Variants in CFAP299 observed in about 807,000 individuals in gnomAD.
The protein encoded by CFAP299 is cilia and flagella associated protein 299.
In CFAP299, 21 loss-of-function variants were observed where a neutral mutation model predicts 27.0. The observed-to-expected ratio is 0.78, with a 90% CI of 0.55 to 1.12. The LOEUF is 1.12. Among genes scored for constraint, CFAP299 ranks in the 50% most tolerant of loss-of-function variants. The probability of loss-of-function intolerance (pLI) is 0.00; values close to 1 mark genes in which losing one functional copy is unlikely to be tolerated. For synonymous variants in CFAP299, 104 were observed against 98.1 expected, an observed-to-expected ratio of 1.06 and a Z score of -0.36; for missense variants, 310 against 276.6, an observed-to-expected ratio of 1.12 and a Z score of -0.86.
intron 3 of CFAP299, among the ~76,000 whole-genome samples, chr4:80,860,789 C>G (rs1175997449): frequency 6.6e-6 from 1 of 152,164 alleles, no homozygotes; most frequent in African/African-American, 2.4e-5. Flanking sequence ...AGAGGAGTAC[C>G]TGGCCGTGTG....
intron 3 of CFAP299, among the ~76,000 whole-genome samples, chr4:80,838,746 G>T (rs1352230667): frequency 6.6e-6 from 1 of 151,956 alleles, no homozygotes; most frequent in South Asian, 2.1e-4. Flanking sequence ...GGCTATATGG[G>T]CCCTTTTTGG....
At chr4:80,818,041 C>T (rs898875931) in intron 3 of CFAP299, among the ~76,000 whole-genome samples, 1 of 152,028 alleles carries the variant, frequency 6.6e-6, no homozygotes, top group Admixed American at 6.6e-5. Context: ...GTGGTAATTC[C>T]TCCCCATGTG....
At chr4:80,621,116 ATT>A (rs1738581530) in intron 3 of CFAP299, among the ~76,000 whole-genome samples, 1 of 151,984 alleles carries the variant, frequency 6.6e-6, no homozygotes, top group Admixed American at 6.6e-5. Flanking sequence ...TCCTTTAACT[ATT>A]GCCTTAAATA....
chr4:80,366,837 A>G (rs1723857429), intron 2 of CFAP299, among the ~76,000 whole-genome samples: 1 of 152,196 alleles, frequency 6.6e-6, no homozygotes, highest in African/African-American at 2.4e-5. Context: ...TGGATAAAAA[A>G]TTTGGTACCT....
At chr4:80,807,311 G>A (rs990986989) in intron 3 of CFAP299, among the ~76,000 whole-genome samples, 12 of 152,160 alleles carry the variant, frequency 7.9e-5, no homozygotes, top group African/African-American at 2.6e-4. Flanking sequence ...TATGATATAT[G>A]TTGTAAATGT....
intron 2 of CFAP299, among the ~76,000 whole-genome samples, chr4:80,529,255 G>A (rs1053793115): frequency 6.6e-6 from 1 of 151,798 alleles, no homozygotes; most frequent in African/African-American, 2.4e-5. Context: ...CTGCCTCATA[G>A]GCTCTCTTCC....
intron 5 of CFAP299, among the ~76,000 whole-genome samples, chr4:80,958,492 A>G (rs1411146811): frequency 6.6e-6 from 1 of 152,294 alleles, no homozygotes; most frequent in Admixed American, 6.5e-5. Context: ...ATAAGATCAC[A>G]TGTCATTTTC....
intron 3 of CFAP299, among the ~76,000 whole-genome samples, chr4:80,860,888 C>A (rs2110158516): frequency 6.6e-6 from 1 of 152,320 alleles, no homozygotes; most frequent in Middle Eastern, 3.4e-3. Flanking sequence ...AGGCAGTCTG[C>A]CCATTCTCAG....
chr4:80,697,064 C>T (rs1026638706), intron 3 of CFAP299, among the ~76,000 whole-genome samples: 3 of 152,194 alleles, frequency 2.0e-5, no homozygotes, highest in Non-Finnish European at 4.4e-5. Context: ...GTTATTTCTG[C>T]TGGGAGCAGT....
At chr4:80,616,476 G>A (rs1419179573) in intron 3 of CFAP299, among the ~76,000 whole-genome samples, 2 of 151,824 alleles carry the variant, frequency 1.3e-5, no homozygotes, top group South Asian at 2.1e-4. Context: ...TGAAAGGGCT[G>A]TAGAGATCAT....
At chr4:80,862,609 G>A (rs1168609111) in intron 3 of CFAP299, among the ~76,000 whole-genome samples, 1 of 151,962 alleles carries the variant, frequency 6.6e-6, no homozygotes, top group African/African-American at 2.4e-5. Context: ...AATGACATTT[G>A]GTTCCTCCCA....
chr4:80,717,025 A>G (rs759487974), intron 3 of CFAP299, among the ~76,000 whole-genome samples: 8 of 152,180 alleles, frequency 5.3e-5, no homozygotes, highest in Non-Finnish European at 8.8e-5. Context: ...TTACCCATTC[A>G]TTTATTTAAT....
intron 3 of CFAP299, among the ~76,000 whole-genome samples, chr4:80,855,479 A>G (rs2110152108): frequency 6.6e-6 from 1 of 152,224 alleles, no homozygotes; most frequent in South Asian, 2.1e-4. Context: ...ATATGTATAC[A>G]TGTGACATGC....
At chr4:80,947,091 T>C (rs1020290741) in intron 5 of CFAP299, among the ~76,000 whole-genome samples, 2 of 152,196 alleles carry the variant, frequency 1.3e-5, no homozygotes, top group African/African-American at 2.4e-5. Context: ...TTAAACATCG[T>C]TCAAATAATT....
In CFAP299 at chr4:80,766,314, G is replaced by A. The variant is rs576988962; in HGVS notation, c.334-103679G>A. On this transcript the variant is annotated intron_variant, in intron 3 of 5. Transcript: ENST00000358105. The stretch of plus-strand genomic sequence containing the variant: ...CAATACATTTTACAATAGAATACTG[G>A]AGTAAGCTAAACTGTTGTTCAGGAC... 2.0e-4 allele frequency among the ~76,000 whole-genome samples: 30 copies of A among 152,192 alleles called. No homozygotes were observed. The South Asian group carries it at 6.0e-3, about 31-fold the overall frequency.
At chr4:80,329,003 T>A in the CFAP299 span, among the ~76,000 whole-genome samples, 5 of 152,316 alleles carry the variant, frequency 3.3e-5, no homozygotes, top group African/African-American at 1.2e-4. Context: ...GTGTGCCATG[T>A]GCAGCCCAGG....
intron 2 of CFAP299, among the ~76,000 whole-genome samples, chr4:80,567,759 A>G (rs1326207784): frequency 2.7e-5 from 4 of 150,664 alleles, no homozygotes; most frequent in Non-Finnish European, 5.9e-5. Context: ...ATAAGTACAT[A>G]AGATTTTGTT....
At chr4:80,388,237 A>C in intron 2 of CFAP299, 2 of 693,656 alleles carry the variant, frequency 2.9e-6, no homozygotes, top group South Asian at 3.1e-5. Flanking sequence ...TGCTCTGCAC[A>C]GGTCGCGGGC....
intron 3 of CFAP299, among the ~76,000 whole-genome samples, chr4:80,841,218 C>T (rs927728739): frequency 2.0e-5 from 3 of 152,094 alleles, no homozygotes; most frequent in Admixed American, 6.6e-5. Flanking sequence ...AGGGCATCAT[C>T]GTTCACTGAG....
Sources: allele counts gnomAD v4.1 joint callset (sites outside exome capture counted in the v4.1 genomes callset), GRCh38; gene constraint gnomAD v4.1.1; transcripts MANE v1.5; gene names NCBI Gene and HGNC (gene_info 2026-07-23, HGNC 2026-07-21).